ZSWIM4: variants seen among roughly 807,000 people sequenced by gnomAD.
ZSWIM4 encodes zinc finger SWIM domain-containing protein 4.
In ZSWIM4, 62 loss-of-function variants were observed where a neutral mutation model predicts 102.5. The observed-to-expected ratio is 0.60, with a 90% CI of 0.49 to 0.75. The LOEUF is 0.75. Ranked by LOEUF, ZSWIM4 falls within the 30% of genes least tolerant of loss-of-function variation. ZSWIM4 has a pLI of 0.00. For synonymous variants in ZSWIM4, 652 were observed against 674.5 expected (o/e 0.97, Z 0.52); for missense variants, 1,280 against 1,529.6 (o/e 0.84, Z 2.72).
Position 13,808,859 on chromosome 19 carries a change from G to C in ZSWIM4, c.736G>C (p.Ala246Pro). The C allele has an allele frequency of 6.2e-7, 1 of 1,609,250 alleles. No homozygotes were observed. ...AGGTGCCCCAGACCCCACCGCCGGC[G>C]CAGGAATCGAGGACGCCAACTGCTG... ...VNGAPDPTAG[A>P]GIEDANCWHL... Residue 246 changes from alanine (A) to proline (P), a missense_variant, in exon 4 of 14, where the codon GCA becomes CCA. Physicochemically the swap from Ala to Pro is conservative, Grantham distance 27 (BLOSUM62 -1). Coordinates refer to ENST00000590508, the MANE Select transcript of ZSWIM4 (RefSeq NM_001367834.3).
At chr19:13,816,739 G>A (rs1008474709) in intron 7 of ZSWIM4, among the ~76,000 whole-genome samples, 1 of 152,202 alleles carries the variant, frequency 6.6e-6, no homozygotes, top group African/African-American at 2.4e-5. Context: ...CAGGAGGGAA[G>A]AGAGTACGTG....
Position 13,830,889 on chromosome 19 carries a change from C to T in ZSWIM4, c.3160C>T (p.Arg1054Trp). The change falls in exon 14 of 14, where the codon CGG (arginine) becomes TGG (tryptophan). Residue 1054 changes from arginine (R) to tryptophan (W), a missense_variant. Transcript: ENST00000590508. ...SHSRLTHISPRHYGDFIEFLG... is the reference protein window; with the variant it reads ...SHSRLTHISPWHYGDFIEFLG... ...CTCGCGCCTCACGCACATCAGCCCG[C>T]GGCACTATGGGGATTTCATCGAATT... 6.2e-7 allele frequency: 1 copy of T among 1,614,194 alleles called. No homozygotes were observed. The highest frequency in any genetic ancestry group is 1.1e-5 in the South Asian group (1 of 91,086).
intron 2 of ZSWIM4, among the ~76,000 whole-genome samples, chr19:13,800,415 G>A (rs1369365009): frequency 1.3e-5 from 2 of 151,792 alleles, no homozygotes; most frequent in Non-Finnish European, 2.9e-5. Flanking sequence ...ACAGGCGCCC[G>A]CCACCAAGCC....
In ZSWIM4 at chr19:13,809,261, C is replaced by G. The variant is rs779766883; in HGVS notation, c.1012+41C>G. Reference sequence around the variant, plus strand: ...CGGTGCGTGGTGGACACCGGGACTTCGGCTCCCATGGGGGCTGGCCCACTC... The same window carrying G: ...CGGTGCGTGGTGGACACCGGGACTTGGGCTCCCATGGGGGCTGGCCCACTC... On this transcript the variant is annotated intron_variant, in intron 5 of 13. Transcript: ENST00000590508. This position sits in a 1 kb window ranked among gnomAD's most constrained non-coding sequence, Gnocchi z 4.2. 3.2e-6 allele frequency: 5 copies of G among 1,558,306 alleles called. No individual in the cohort carries two copies. In the African/African-American group the frequency reaches 6.8e-5, roughly 21 times the overall value.
At chr19:13,816,245 G>A (rs935197885) in intron 7 of ZSWIM4, among the ~76,000 whole-genome samples, 3 of 152,118 alleles carry the variant, frequency 2.0e-5, no homozygotes, top group Non-Finnish European at 4.4e-5. Context: ...TGGGACCCGA[G>A]CAGAGCTCTG....
chr19:13,817,999 G>A, intron 9 of ZSWIM4, 23 bp downstream of exon 9: 3 of 1,471,970 alleles, frequency 2.0e-6, no homozygotes, highest in Non-Finnish European at 2.7e-6. Context: ...CCCTAGGCCT[G>A]GCTGTTGCTG....
chr19:13,819,268 C>T, intron 9 of ZSWIM4, 89 bp from the exon 10 acceptor site: 1 of 1,549,062 alleles, frequency 6.5e-7, no homozygotes, highest in South Asian at 1.2e-5. Context: ...GCCAGCCCAC[C>T]CTCTACTTAA....
At chr19:13,797,479 C>CT (rs1453169564) in intron 1 of ZSWIM4, among the ~76,000 whole-genome samples, 2 of 152,190 alleles carry the variant, frequency 1.3e-5, no homozygotes, top group African/African-American at 4.8e-5. Context: ...CAGATTCTCC[C>CT]AGCTATAAAA....
intron 10 of ZSWIM4, among the ~76,000 whole-genome samples, chr19:13,820,226 G>GT (rs994739524): frequency 6.6e-6 from 1 of 151,654 alleles, no homozygotes; most frequent in South Asian, 2.1e-4. Flanking sequence ...ATAAATGTGT[G>GT]TTTTTTGTTT....
chr19:13,808,990 G>A lies in ZSWIM4; in HGVS notation c.861+6G>A, dbSNP rs982122076. 1.9e-6 allele frequency: 3 copies of A among 1,610,484 alleles called. No individual in the cohort carries two copies. The highest frequency in any genetic ancestry group is 1.3e-5 in the African/African-American group (1 of 74,866). On this transcript the variant is annotated splice_donor_region_variant and intron_variant, in intron 4 of 13. Transcript: ENST00000590508. Reference sequence around the variant, plus strand: ...TGCGCTCCATGTTCAGCAAGGTGCCGTGCGGGCCGGCGGGGCGCGGGGTGC... The same window carrying A: ...TGCGCTCCATGTTCAGCAAGGTGCCATGCGGGCCGGCGGGGCGCGGGGTGC...
intron 2 of ZSWIM4, 139 bp from the exon 3 acceptor site, chr19:13,804,653 A>C: frequency 1.4e-6 from 1 of 724,204 alleles, no homozygotes; most frequent in Non-Finnish European, 2.2e-6. Flanking sequence ...TTTCAAAAAA[A>C]AAAAAAATGC....
intron 1 of ZSWIM4, among the ~76,000 whole-genome samples, chr19:13,798,690 C>A (rs1156766808): frequency 6.6e-6 from 1 of 152,234 alleles, no homozygotes; most frequent in Non-Finnish European, 1.5e-5. Flanking sequence ...GACCTCCCCA[C>A]TTTACACCTG....
At chr19:13,828,522 A>C in intron 12 of ZSWIM4, 123 bp from the exon 13 acceptor site, 1 of 682,872 alleles carries the variant, frequency 1.5e-6, no homozygotes, top group Non-Finnish European at 2.6e-6. Flanking sequence ...GAGATCACTT[A>C]CCCGGGTTCA....
intron 2 of ZSWIM4, among the ~76,000 whole-genome samples, chr19:13,802,615 G>C (rs1260267159): frequency 6.6e-6 from 1 of 151,614 alleles, no homozygotes; most frequent in African/African-American, 2.4e-5. Context: ...GTCTCACTCT[G>C]TTGCCCAGGC....
At chr19:13,816,383 G>C (rs1008505506) in intron 7 of ZSWIM4, among the ~76,000 whole-genome samples, 3 of 152,128 alleles carry the variant, frequency 2.0e-5, no homozygotes, top group African/African-American at 7.2e-5. Flanking sequence ...CAACACTTTG[G>C]GAGGTGGAGG....
chr19:13,823,711 T>C (rs567374655), intron 11 of ZSWIM4, among the ~76,000 whole-genome samples: 1 of 152,250 alleles, frequency 6.6e-6, no homozygotes, highest in South Asian at 2.1e-4. Flanking sequence ...TGGAATGACA[T>C]TCTAGTGGGG....
At chr19:13,803,477 A>G (rs1473636662) in intron 2 of ZSWIM4, among the ~76,000 whole-genome samples, 2 of 152,108 alleles carry the variant, frequency 1.3e-5, no homozygotes, top group Non-Finnish European at 2.9e-5. Flanking sequence ...TACTATTCAT[A>G]ATTAAAATAA....
intron 8 of ZSWIM4, 63 bp downstream of exon 8, chr19:13,817,416 G>C: frequency 6.4e-7 from 1 of 1,568,958 alleles, no homozygotes; most frequent in Non-Finnish European, 8.7e-7. Flanking sequence ...CACGCCCCCT[G>C]GCCCAGTACC....
chr19:13,827,182 G>A (rs1234477005), intron 12 of ZSWIM4, among the ~76,000 whole-genome samples: 1 of 152,072 alleles, frequency 6.6e-6, no homozygotes, highest in Non-Finnish European at 1.5e-5. Context: ...AGCTCCTCAG[G>A]AGGCTGAGGC....
Sources: allele counts gnomAD v4.1 joint callset (sites outside exome capture counted in the v4.1 genomes callset), GRCh38; gene constraint gnomAD v4.1.1; non-coding constraint Gnocchi (gnomAD v3.1); transcripts MANE v1.5; gene names NCBI Gene and HGNC (gene_info 2026-07-23, HGNC 2026-07-21).